AMD1: variants seen among roughly 807,000 people sequenced by gnomAD.
AMD1 encodes adenosylmethionine decarboxylase 1, also known as S-adenosylmethionine decarboxylase proenzyme.
In AMD1, 11 loss-of-function variants were observed where a neutral mutation model predicts 40.2. The ratio of observed to expected loss-of-function variants is 0.27; its 90% CI spans 0.17 to 0.45. The LOEUF (loss-of-function observed/expected upper bound fraction) is 0.45. AMD1 is among the 20% of genes least tolerant of loss of function. The pLI is 1.00. For synonymous variants in AMD1, 121 were observed against 130.8 expected (o/e 0.93, Z 0.51); for missense variants, 257 against 410.2 (o/e 0.63, Z 3.23).
the AMD1 span, among the ~76,000 whole-genome samples, chr6:110,855,454 A>G: frequency 6.6e-6 from 1 of 152,196 alleles, no homozygotes; most frequent in African/African-American, 2.4e-5. Context: ...AATAAATGGC[A>G]TAAAGTTACA....
chr6:110,822,348 C>T, the AMD1 span, among the ~76,000 whole-genome samples: 1 of 152,068 alleles, frequency 6.6e-6, no homozygotes, highest in Non-Finnish European at 1.5e-5. Context: ...TAGATAAATT[C>T]CTGGAAATAT....
the AMD1 span, among the ~76,000 whole-genome samples, chr6:110,849,621 T>C: frequency 1.3e-5 from 2 of 151,778 alleles, no homozygotes; most frequent in African/African-American, 2.4e-5. Context: ...ATTTACACAA[T>C]TTTTTTTAAA....
At chr6:110,891,937 T>C (rs1786043262) in intron 4 of AMD1, 2 of 573,336 alleles carry the variant, frequency 3.5e-6, no homozygotes, top group South Asian at 4.1e-5. Flanking sequence ...GCGATGGGGT[T>C]TCATCATGTT....
At chr6:110,887,699 T>A (rs1185660904) in intron 2 of AMD1, 108 bp downstream of exon 2, 1 of 805,708 alleles carries the variant, frequency 1.2e-6, no homozygotes, top group East Asian at 3.0e-5. Context: ...TGTTTTGTTT[T>A]GTTTTTTTGA....
the AMD1 span, chr6:110,858,432 A>G: frequency 1.0e-6 from 1 of 961,712 alleles, no homozygotes; most frequent in Admixed American, 1.7e-5. Context: ...ACACTCATGA[A>G]CAAGCTACAG....
At chr6:110,836,889 C>T in the AMD1 span, among the ~76,000 whole-genome samples, 2 of 152,030 alleles carry the variant, frequency 1.3e-5, no homozygotes, top group Admixed American at 6.6e-5. Flanking sequence ...CACCTTGACT[C>T]ACACCTGTAA....
chr6:110,893,381 G>C lies in AMD1; in HGVS notation c.865-95G>C, dbSNP rs1243887647. 6.0e-6 allele frequency: 9 copies of C among 1,503,010 alleles called. No individual in the cohort carries two copies. In the East Asian group the frequency reaches 1.6e-4, roughly 26 times the overall value. 93.1% of individuals were successfully genotyped at this position (1,503,010 alleles called of 1,614,324 possible). A position where few individuals can be genotyped will look rare whatever the true frequency, so the allele number is the denominator to read the frequency against. On this transcript the variant is annotated intron_variant, in intron 8 of 8. Coordinates refer to ENST00000368885, the MANE Select transcript of AMD1 (RefSeq NM_001634.6). ...CAGCTAAAATAACTCAGATGTCTTA[G>C]TTTCATTAAGATAAAAGTCTGTCAC... is the stretch of plus-strand genomic sequence containing the variant.
At position 110,888,838 on chromosome 6, in the gene AMD1, T is replaced by A; in HGVS notation, c.198-19T>A. On this transcript the variant is annotated intron_variant, in intron 2 of 8. Transcript: ENST00000368885. ...GTACATTAGTATTGTTATAATATTG[T>A]GACTTTTTTCAACTGCAGTGAGAGT... 6.2e-7 allele frequency: 1 copy of A among 1,608,180 alleles called. No individual in the cohort carries two copies. Among genetic ancestry groups the A allele is most frequent in the Non-Finnish European group, 8.5e-7 (1 of 1,177,700 alleles).
chr6:110,892,087 TGTGGA>T, intron 4 of AMD1, 69 bp from the exon 5 acceptor site: 2 of 1,497,452 alleles, frequency 1.3e-6, no homozygotes, highest in Non-Finnish European at 1.9e-6. Context: ...TTCTGCTTAT[TGTGGA>T]AGGGTAGTAA....
At chr6:110,836,951 C>T in the AMD1 span, among the ~76,000 whole-genome samples, 5 of 151,742 alleles carry the variant, frequency 3.3e-5, no homozygotes, top group African/African-American at 1.2e-4. Flanking sequence ...GTCAAGAGTT[C>T]GAGACCAACC....
chr6:110,892,079 C>A, intron 4 of AMD1, 82 bp from the exon 5 acceptor site: 2 of 1,461,814 alleles, frequency 1.4e-6, no homozygotes, highest in South Asian at 1.1e-5. Context: ...TAGTATCATT[C>A]TGCTTATTGT....
chr6:110,818,277 G>C, the AMD1 span, among the ~76,000 whole-genome samples: 765 of 152,208 alleles, frequency 5.0e-3, 2 homozygotes, highest in African/African-American at 0.018. Flanking sequence ...GTTGCAAGTA[G>C]ATTTTTAAAG....
chr6:110,815,257 GC>G, the AMD1 span: 137 of 1,022,272 alleles, frequency 1.3e-4, no homozygotes, highest in South Asian at 1.6e-4. Context: ...GCGCGCGCGC[GC>G]CGCCCGCCGC....
At chr6:110,820,736 T>C in the AMD1 span, among the ~76,000 whole-genome samples, 33 of 151,996 alleles carry the variant, frequency 2.2e-4, no homozygotes, top group African/African-American at 7.7e-4. Context: ...ACCCCCATCT[T>C]TACTAAAAAT....
At chr6:110,814,735 C>A in the AMD1 span, 1 of 625,952 alleles carries the variant, frequency 1.6e-6, no homozygotes, top group South Asian at 1.5e-5. Context: ...TCGAGTCCCC[C>A]CGCCGTCTCC....
the AMD1 span, among the ~76,000 whole-genome samples, chr6:110,843,277 A>G: frequency 3.3e-5 from 5 of 152,014 alleles, no homozygotes; most frequent in Admixed American, 6.6e-5. Context: ...AGCCTGGCCA[A>G]CATGGAGAAA....
At position 110,892,782 on chromosome 6, in the gene AMD1, A is replaced by G; in HGVS notation, c.663A>G (p.Thr221=). Residue 221 remains threonine (T), a synonymous_variant, in exon 7 of 9, where the codon ACA becomes ACG. Transcript: ENST00000368885. ...TACCAGGTTCTGTCATTGATGCCAC[A>G]ATGTTCAATCCTTGTGGGTATTCGA... is the stretch of plus-strand genomic sequence containing the variant. ...DLIPGSVIDA[T]MFNPCGYSMN... is the part of the protein sequence containing the mutation. 1.2e-6 allele frequency: 2 copies of G among 1,614,004 alleles called. No individual in the cohort carries two copies. The highest frequency in any genetic ancestry group is 1.3e-5 in the African/African-American group (1 of 75,038).
chr6:110,892,503 T>G, intron 6 of AMD1, 60 bp downstream of exon 6: 1 of 1,596,256 alleles, frequency 6.3e-7, no homozygotes, highest in Non-Finnish European at 8.5e-7. Context: ...AAATTTTATT[T>G]TTCATTCTGT....
At chr6:110,855,663 C>T in the AMD1 span, among the ~76,000 whole-genome samples, 63 of 152,176 alleles carry the variant, frequency 4.1e-4, no homozygotes, top group African/African-American at 1.3e-3. Flanking sequence ...ACAGGGAATC[C>T]GTAGGATCTG....
Sources: allele counts gnomAD v4.1 joint callset (sites outside exome capture counted in the v4.1 genomes callset), GRCh38; gene constraint gnomAD v4.1.1; transcripts MANE v1.5; gene names NCBI Gene and HGNC (gene_info 2026-07-23, HGNC 2026-07-21).